The following GALNS variants were observed in gnomAD, a reference collection of about 807,000 sequenced individuals.
The protein encoded by GALNS is N-acetylgalactosamine-6-sulfatase.
In GALNS, 65 loss-of-function variants were observed where a neutral mutation model predicts 65.9. The ratio of observed to expected loss-of-function variants is 0.99; its 90% CI spans 0.81 to 1.21. The LOEUF (loss-of-function observed/expected upper bound fraction) is 1.21, where lower values mean the gene tolerates loss of function less well. GALNS is among the 50% of genes most tolerant of loss of function. GALNS has a pLI of 0.00. For synonymous variants in GALNS, 346 were observed against 288.9 expected, an observed-to-expected ratio of 1.20 and a Z score of -2.00; for missense variants, 776 against 700.7, an observed-to-expected ratio of 1.11 and a Z score of -1.21.
intron 1 of GALNS, among the ~76,000 whole-genome samples, chr16:88,853,402 A>G (rs1967600095): frequency 6.6e-6 from 1 of 152,112 alleles, no homozygotes; most frequent in African/African-American, 2.4e-5. Flanking sequence ...CTATGGGATT[A>G]TTATGAAGAC....
At chr16:88,840,439 G>C (rs1966910900) in intron 4 of GALNS, 1 of 180,702 alleles carries the variant, frequency 5.5e-6, no homozygotes, top group African/African-American at 2.4e-5. Context: ...AGGCGTCCCA[G>C]GGAGTAAAAG....
Position 88,843,055 on chromosome 16 carries a change from G to A in GALNS, c.121-226C>T, listed in dbSNP as rs770006291. The A allele has an allele frequency of 1.6e-5, 24 of 1,521,200 alleles. No individual in the cohort carries two copies. In the South Asian group the frequency reaches 1.7e-4, roughly 11 times the overall value. The allele number at this position is 1,521,200 out of a possible 1,614,324, so 94.2% of individuals were successfully genotyped here. The stretch of plus-strand genomic sequence containing the variant: ...CTCAGCATCGCCTGCGTGCGTGCAC[G>A]ATGGGGCCGCTCCACGGTCAGCCCA... On this transcript the variant is annotated intron_variant, in intron 1 of 13. Transcript: ENST00000268695.
chr16:88,854,147 A>C (rs1032733645), intron 1 of GALNS, among the ~76,000 whole-genome samples: 6 of 152,330 alleles, frequency 3.9e-5, no homozygotes, highest in African/African-American at 1.4e-4. Flanking sequence ...AACTTGAGAC[A>C]TGCACACTCG....
chr16:88,826,946 A>C (rs1910994723), intron 9 of GALNS, 108 bp from the exon 10 acceptor site: 3 of 1,294,896 alleles, frequency 2.3e-6, no homozygotes, highest in Non-Finnish European at 3.3e-6. Flanking sequence ...GGGTCTACAG[A>C]TATGCATACA....
At chr16:88,814,890 C>T (rs985186987) in intron 13 of GALNS, 6 of 362,348 alleles carry the variant, frequency 1.7e-5, no homozygotes, top group Middle Eastern at 1.5e-3. Flanking sequence ...TGAGCCACCA[C>T]GCCCAACCAT....
rs572743478 is a variant in GALNS at position 88,842,457 on chromosome 16, G to A, written c.244+249C>T. 10 of 582,688 alleles carry A rather than the reference G, an allele frequency of 1.7e-5. No individual in the cohort carries two copies. In the Admixed American group the frequency reaches 2.4e-4, roughly 14 times the overall value. 36.1% of individuals were successfully genotyped at this position (582,688 alleles called of 1,614,324 possible). A position where few individuals can be genotyped will look rare whatever the true frequency, so the allele number is the denominator to read the frequency against. On this transcript the variant is annotated intron_variant, in intron 2 of 13. Transcript: ENST00000268695. ...AGGCGGCCACAGCACTCGACTCTGG[G>A]AAACAGAACAGCAGCCACCAACAAT...
chr16:88,826,558 C>T (rs1214635581), intron 10 of GALNS, 144 bp downstream of exon 10: 3 of 991,088 alleles, frequency 3.0e-6, no homozygotes, highest in Non-Finnish European at 4.4e-6. Flanking sequence ...GTCTCAGGCA[C>T]CCCTGCCTCC....
rs1173883904 is a variant in GALNS, at chr16:88,818,025, C to T, written c.1464G>A (p.Val488=). 5 of 1,583,128 alleles carry T rather than the reference C, an allele frequency of 3.2e-6. No individual in the cohort carries two copies. In the African/African-American group the frequency reaches 4.0e-5, roughly 13 times the overall value. The change falls in exon 13 of 14, where the codon GTG becomes GTA. Residue 488 remains valine, a synonymous_variant. Coordinates refer to ENST00000268695, the MANE Select transcript of GALNS (RefSeq NM_000512.5). ...ALVPAQPQLN[V]CNWAVMNWAP... is the part of the protein sequence containing the mutation. ...CACTTACCATGACCGCCCAGTTGCACACGTTGAGCTGGGGCTGCGCGGGGA... is the reference window on the plus strand; with the variant it reads ...CACTTACCATGACCGCCCAGTTGCATACGTTGAGCTGGGGCTGCGCGGGGA...
chr16:88,833,104 AAT>A (rs1911690250), intron 8 of GALNS, among the ~76,000 whole-genome samples: 1 of 150,982 alleles, frequency 6.6e-6, no homozygotes, highest in African/African-American at 2.4e-5. Context: ...AAAAAAAGAA[AAT>A]ATTTTTCCGG....
chr16:88,852,965 T>C (rs1013412897), intron 1 of GALNS, among the ~76,000 whole-genome samples: 2 of 148,956 alleles, frequency 1.3e-5, no homozygotes, highest in Non-Finnish European at 3.0e-5. Flanking sequence ...AAAAAAAAAG[T>C]CCTGGCTGGG....
intron 4 of GALNS, 126 bp downstream of exon 4, chr16:88,840,866 G>C (rs935975555): frequency 3.9e-6 from 3 of 778,320 alleles, no homozygotes; most frequent in African/African-American, 3.4e-5. Context: ...AACACACCCA[G>C]AATCAGCTGC....
At chr16:88,845,258 G>A (rs1009498034) in intron 1 of GALNS, 1 of 152,374 alleles carries the variant, frequency 6.6e-6, no homozygotes, top group Non-Finnish European at 1.5e-5. Context: ...GTAGCCGGCA[G>A]GAGAATCGCT....
intron 2 of GALNS, 50 bp downstream of exon 2, chr16:88,842,656 C>T (rs368066878): frequency 5.2e-5 from 83 of 1,603,018 alleles, no homozygotes; most frequent in South Asian, 1.1e-4. Context: ...CGGGAGGCCT[C>T]GGCCTGTTGG....
intron 9 of GALNS, chr16:88,827,227 T>A (rs1911023050): frequency 3.9e-6 from 1 of 254,408 alleles, no homozygotes; most frequent in East Asian, 8.8e-5. Context: ...GAGGAGCAGG[T>A]GGAGAAAAAC....
intron 9 of GALNS, among the ~76,000 whole-genome samples, chr16:88,828,350 G>A (rs1241594978): frequency 1.3e-5 from 2 of 152,236 alleles, no homozygotes; most frequent in Non-Finnish European, 2.9e-5. Flanking sequence ...TCCAGGCAGC[G>A]ATGCCTTCCA....
intron 1 of GALNS, among the ~76,000 whole-genome samples, chr16:88,846,838 G>T (rs376416842): frequency 6.6e-6 from 1 of 151,998 alleles, no homozygotes; most frequent in South Asian, 2.1e-4. Flanking sequence ...CACTGTGCCC[G>T]GCCGTGTTTC....
chr16:88,836,272 A>G lies in GALNS; in HGVS notation c.567-5T>C, dbSNP rs2143001751. On this transcript the variant is annotated splice_polypyrimidine_tract_variant and splice_region_variant and intron_variant, in intron 5 of 13. Coordinates refer to ENST00000268695, the MANE Select transcript of GALNS (RefSeq NM_000512.5). ...ATAGGAAATTCTTCATAATATCTGAAAAGAACACAGATCCAGACAGACTTC... is the reference window on the plus strand; with the variant it reads ...ATAGGAAATTCTTCATAATATCTGAGAAGAACACAGATCCAGACAGACTTC... 1 of 1,609,814 alleles carries G rather than the reference A, an allele frequency of 6.2e-7. No individual in the cohort carries two copies. Among genetic ancestry groups the G allele is most frequent in the Non-Finnish European group, 8.5e-7 (1 of 1,177,828 alleles).
chr16:88,829,804 G>A (rs1911297287), intron 9 of GALNS, among the ~76,000 whole-genome samples: 1 of 152,226 alleles, frequency 6.6e-6, no homozygotes, highest in South Asian at 2.1e-4. Context: ...CAATCCCTGG[G>A]CCTTCAGGCG....
intron 1 of GALNS, among the ~76,000 whole-genome samples, chr16:88,853,105 G>T (rs377647225): frequency 1.3e-5 from 2 of 151,954 alleles, no homozygotes; most frequent in South Asian, 2.1e-4. Flanking sequence ...ACAAAAATTA[G>T]CTGGGCACGG....
Sources: allele counts gnomAD v4.1 joint callset (sites outside exome capture counted in the v4.1 genomes callset), GRCh38; gene constraint gnomAD v4.1.1; transcripts MANE v1.5; gene names NCBI Gene and HGNC (gene_info 2026-07-23, HGNC 2026-07-21).